FGGY: variants seen among roughly 807,000 people sequenced by gnomAD.
FGGY encodes the protein FGGY carbohydrate kinase domain containing.
FGGY carries 72 observed loss-of-function variants against 71.3 expected under a neutral mutation model. The observed-to-expected ratio is 1.01, with a 90% CI of 0.84 to 1.23. The LOEUF (loss-of-function observed/expected upper bound fraction) is 1.23, where lower values mean the gene tolerates loss of function less well. FGGY is among the 50% of genes most tolerant of loss of function. FGGY has a pLI of 0.00. For missense variants in FGGY, 668 were observed against 682.3 expected (o/e 0.98, Z 0.23); for synonymous variants, 251 against 250.3 (o/e 1.00, Z -0.02).
At chr1:59,749,348 T>C (rs759856910) in intron 14 of FGGY, among the ~76,000 whole-genome samples, 1 of 152,172 alleles carries the variant, frequency 6.6e-6, no homozygotes, top group Non-Finnish European at 1.5e-5. Context: ...GGACTTGTGA[T>C]TGGCATCTGA....
intron 14 of FGGY, among the ~76,000 whole-genome samples, chr1:59,714,911 T>A (rs2097831861): frequency 6.6e-6 from 1 of 152,240 alleles, no homozygotes; most frequent in South Asian, 2.1e-4. Flanking sequence ...TTAAGTATGC[T>A]ATCCTTGACC....
chr1:59,615,280 T>C (rs1429865007), intron 9 of FGGY, among the ~76,000 whole-genome samples: 2 of 152,164 alleles, frequency 1.3e-5, no homozygotes, highest in Non-Finnish European at 2.9e-5. Context: ...CAAAACAGCA[T>C]GGTACTGGTA....
intron 5 of FGGY, among the ~76,000 whole-genome samples, chr1:59,407,949 C>G (rs1448845829): frequency 2.0e-5 from 3 of 152,292 alleles, no homozygotes; most frequent in Non-Finnish European, 4.4e-5. Context: ...CTGCTTTCTG[C>G]TAAAGTGGAA....
chr1:59,684,482 C>T (rs538807846), intron 14 of FGGY, among the ~76,000 whole-genome samples: 1 of 152,168 alleles, frequency 6.6e-6, no homozygotes, highest in African/African-American at 2.4e-5. Context: ...GGCCTATGCT[C>T]CTCATCTTTG....
chr1:59,367,122 G>A (rs1402967791), intron 4 of FGGY, among the ~76,000 whole-genome samples: 4 of 152,188 alleles, frequency 2.6e-5, no homozygotes, highest in African/African-American at 9.7e-5. Flanking sequence ...AATGGAATGG[G>A]AAGCTTTATG....
At chr1:59,760,716 C>T (rs1468058178) in intron 15 of FGGY, among the ~76,000 whole-genome samples, 3 of 152,118 alleles carry the variant, frequency 2.0e-5, no homozygotes, top group African/African-American at 7.2e-5. Flanking sequence ...TGCATGATTC[C>T]ACCTATGTAA....
At chr1:59,348,613 T>C (rs1276112117) in intron 4 of FGGY, among the ~76,000 whole-genome samples, 1 of 152,128 alleles carries the variant, frequency 6.6e-6, no homozygotes, top group African/African-American at 2.4e-5. Context: ...GCTCTGAGAT[T>C]TCAGGTGGGC....
rs547662137 is a variant in FGGY at position 59,479,108 on chromosome 1, C to T, written c.670+22032C>T. 1.8e-3 allele frequency among the ~76,000 whole-genome samples: 272 copies of T among 152,270 alleles called. 4 individuals carry two copies. The highest frequency in any genetic ancestry group is 2.7e-3 in the Non-Finnish European group (185 of 68,022). ...AACATGAGATGTGTAGTCATCTCAC[C>T]CCATTCCCATTTTTTACAGAGGATA... On this transcript the variant is annotated intron_variant, in intron 6 of 15. Transcript: ENST00000303721.
intron 11 of FGGY, among the ~76,000 whole-genome samples, chr1:59,642,998 G>GT (rs2097053131): frequency 6.9e-6 from 1 of 144,170 alleles, no homozygotes; most frequent in Admixed American, 7.2e-5. Context: ...TCACGCCACT[G>GT]CACTCTAGCC....
intron 14 of FGGY, among the ~76,000 whole-genome samples, chr1:59,736,644 G>A (rs564650836): frequency 3.0e-4 from 46 of 152,292 alleles, no homozygotes; most frequent in South Asian, 8.3e-4. Flanking sequence ...GGTATCTGGC[G>A]GAAGAAATTT....
chr1:59,336,269 A>G (rs2049480177), intron 2 of FGGY, among the ~76,000 whole-genome samples: 1 of 152,128 alleles, frequency 6.6e-6, no homozygotes, highest in Non-Finnish European at 1.5e-5. Context: ...AGGCACATTT[A>G]CCAAAGCCAA....
At chr1:59,604,360 AG>A (rs1558514152) in intron 8 of FGGY, among the ~76,000 whole-genome samples, 1 of 152,236 alleles carries the variant, frequency 6.6e-6, no homozygotes, top group Non-Finnish European at 1.5e-5. Context: ...CTAAGAACAC[AG>A]GGTTTGAGAG....
chr1:59,467,024 T>G (rs2092675220), intron 6 of FGGY, among the ~76,000 whole-genome samples: 1 of 152,206 alleles, frequency 6.6e-6, no homozygotes, highest in South Asian at 2.1e-4. Flanking sequence ...GGATTATACA[T>G]CATGCTACTA....
At chr1:59,647,867 T>G (rs1481538158) in intron 11 of FGGY, among the ~76,000 whole-genome samples, 1 of 123,098 alleles carries the variant, frequency 8.1e-6, no homozygotes, top group African/African-American at 3.2e-5. Context: ...CATCTAGCAT[T>G]AGGTATATCT....
chr1:59,718,622 G>C (rs914958671), intron 14 of FGGY, among the ~76,000 whole-genome samples: 1 of 152,182 alleles, frequency 6.6e-6, no homozygotes, highest in Non-Finnish European at 1.5e-5. Flanking sequence ...CCAACTCCTG[G>C]GATGGTGATA....
Position 59,674,150 on chromosome 1 carries a change from G to A in FGGY, c.1512+17G>A, listed in dbSNP as rs377029372. 6.2e-7 allele frequency: 1 copy of A among 1,608,288 alleles called. No individual in the cohort carries two copies. Among genetic ancestry groups the A allele is most frequent in the East Asian group, 2.2e-5 (1 of 44,688 alleles). On this transcript the variant is annotated intron_variant, in intron 14 of 15. Transcript: ENST00000303721. ...TCTGTACAGGTATGTGAAGACCAGG[G>A]GGTGGGCTGTGGCTCCTCCCCTGTC...
Position 59,493,256 on chromosome 1 carries a change from T to A in FGGY, c.671-19055T>A, listed in dbSNP as rs141715784. 5.2e-4 allele frequency among the ~76,000 whole-genome samples: 79 copies of A among 152,214 alleles called. 1 individual carries two copies. The East Asian group carries it at 0.015, about 29-fold the overall frequency. Reference sequence around the variant, plus strand: ...TAGTTCCTCAAAAAGTTACAAACAATATTACCATATGATCCAGCATTTCAT... The same window carrying A: ...TAGTTCCTCAAAAAGTTACAAACAAAATTACCATATGATCCAGCATTTCAT... On this transcript the variant is annotated intron_variant, in intron 6 of 15. Transcript: ENST00000303721.
intron 7 of FGGY, among the ~76,000 whole-genome samples, chr1:59,536,118 T>C (rs549541235): frequency 1.1e-4 from 17 of 151,424 alleles, no homozygotes; most frequent in African/African-American, 3.6e-4. Context: ...AAGAATCAAA[T>C]AGATGCAATA....
intron 11 of FGGY, among the ~76,000 whole-genome samples, chr1:59,650,537 T>A (rs1406521238): frequency 3.0e-5 from 3 of 99,760 alleles, no homozygotes; most frequent in African/African-American, 1.6e-4. Flanking sequence ...TATATTTGCA[T>A]AGAGGTGTTT....
Sources: gnomAD v4.1 joint callset for allele counts (sites outside exome capture counted in the v4.1 genomes callset) on GRCh38, gnomAD v4.1.1 for gene constraint, MANE v1.5 for transcripts, NCBI Gene and HGNC (gene_info 2026-07-23, HGNC 2026-07-21) for gene names.